PCDH15: variants seen among roughly 807,000 people sequenced by gnomAD.
The protein encoded by PCDH15 is protocadherin related 15.
In PCDH15, 129 loss-of-function variants were observed where a neutral mutation model predicts 178.5. That is an observed-to-expected ratio of 0.72 (90% CI 0.63 to 0.84). PCDH15 has a LOEUF of 0.84. PCDH15 is among the 40% of genes least tolerant of loss of function. PCDH15 has a pLI of 0.00. For synonymous variants in PCDH15, 800 were observed against 732.0 expected (o/e 1.09, Z -1.50); for missense variants, 2,230 against 2,099.9 (o/e 1.06, Z -1.21).
chr10:54,837,799 T>A (rs1953343703), intron 3 of PCDH15, among the ~76,000 whole-genome samples: 1 of 152,078 alleles, frequency 6.6e-6, no homozygotes, highest in African/African-American at 2.4e-5. Flanking sequence ...ACTTTGGTGA[T>A]ATACAAAATA....
intron 1 of PCDH15, among the ~76,000 whole-genome samples, chr10:54,775,442 A>G (rs928388084): frequency 1.5e-4 from 23 of 152,228 alleles, no homozygotes; most frequent in Admixed American, 3.9e-4. Flanking sequence ...CAGGGTAATT[A>G]GCATATCCAT....
chr10:54,473,792 T>G (rs1565366192), intron 3 of PCDH15, among the ~76,000 whole-genome samples: 1 of 151,906 alleles, frequency 6.6e-6, no homozygotes. Flanking sequence ...TATAAAAATG[T>G]GCCAATAAAT....
chr10:55,083,594 C>T (rs1466830248), intron 2 of PCDH15, among the ~76,000 whole-genome samples: 1 of 151,598 alleles, frequency 6.6e-6, no homozygotes, highest in African/African-American at 2.4e-5. Context: ...GAATAAGGGG[C>T]ATATAAATTG....
At chr10:54,741,128 A>T (rs1336635099) in intron 1 of PCDH15, among the ~76,000 whole-genome samples, 1 of 151,760 alleles carries the variant, frequency 6.6e-6, no homozygotes, top group Non-Finnish European at 1.5e-5. Flanking sequence ...TATGTACCAC[A>T]TAAATATGTA....
At chr10:54,098,004 G>C (rs2094731070) in intron 15 of PCDH15, among the ~76,000 whole-genome samples, 1 of 152,026 alleles carries the variant, frequency 6.6e-6, no homozygotes, top group Non-Finnish European at 1.5e-5. Flanking sequence ...TCCTATGACT[G>C]GGAGCCTAAC....
chr10:53,961,064 A>G (rs756023059), intron 22 of PCDH15, among the ~76,000 whole-genome samples: 7 of 152,198 alleles, frequency 4.6e-5, no homozygotes, highest in Non-Finnish European at 8.8e-5. Context: ...GAAGAAAAGT[A>G]AAATTTGACA....
At chr10:54,029,808 A>G (rs1242184491) in intron 18 of PCDH15, among the ~76,000 whole-genome samples, 1 of 152,110 alleles carries the variant, frequency 6.6e-6, no homozygotes, top group Non-Finnish European at 1.5e-5. Flanking sequence ...CTGTTACACA[A>G]TTCTTTCCAT....
At chr10:55,123,284 A>T (rs6481140) in intron 2 of PCDH15, among the ~76,000 whole-genome samples, 34,320 of 151,982 alleles carry the variant, frequency 0.23, 4,317 homozygotes, top group African/African-American at 0.33. Flanking sequence ...AATAATTTAC[A>T]TACATTCATT....
chr10:54,807,159 TAGAC>T (rs890775435), intron 3 of PCDH15, among the ~76,000 whole-genome samples: 7 of 152,204 alleles, frequency 4.6e-5, no homozygotes, highest in African/African-American at 1.7e-4. Context: ...CATATTCAGT[TAGAC>T]AGCAAATTAT....
At chr10:55,134,962 G>C (rs181867944) in intron 2 of PCDH15, among the ~76,000 whole-genome samples, 23 of 152,210 alleles carry the variant, frequency 1.5e-4, no homozygotes, top group African/African-American at 4.1e-4. Context: ...TAATAAAAAT[G>C]AGCTTCAACA....
intron 2 of PCDH15, among the ~76,000 whole-genome samples, chr10:55,116,889 C>T (rs967098064): frequency 2.0e-5 from 3 of 152,128 alleles, no homozygotes; most frequent in Non-Finnish European, 4.4e-5. Context: ...GAAAAGAATG[C>T]CCTAATCTCT....
Position 55,571,725 on chromosome 10 carries a change from T to C in PCDH15, c.-156+55900A>G, listed in dbSNP as rs1030956622. Among the ~76,000 whole-genome samples, 4 of 152,110 alleles carry C rather than the reference T, an allele frequency of 2.6e-5. No individual in the cohort carries two copies. In the East Asian group the frequency reaches 7.7e-4, roughly 29 times the overall value. On this transcript the variant is annotated intron_variant, in intron 2 of 5. Transcript: ENST00000613346. ...TATGAGACAACTGCATAATCTGAAA[T>C]ATAAATTTAGGGAGAATGAGCTACA...
chr10:54,421,585 T>C (rs9416331), intron 3 of PCDH15, among the ~76,000 whole-genome samples: 28,867 of 142,042 alleles, frequency 0.2, 3,792 homozygotes, highest in African/African-American at 0.37. Flanking sequence ...ACAAACTACA[T>C]ACCTGCCTAA....
At chr10:55,260,186 T>A (rs1423819917) in intron 1 of PCDH15, among the ~76,000 whole-genome samples, 3 of 152,040 alleles carry the variant, frequency 2.0e-5, no homozygotes, top group Non-Finnish European at 4.4e-5. Flanking sequence ...TTATCCATTA[T>A]ATGTGAAAAG....
intron 2 of PCDH15, among the ~76,000 whole-genome samples, chr10:54,994,930 TATC>T (rs1415258266): frequency 3.9e-5 from 6 of 152,208 alleles, no homozygotes; most frequent in South Asian, 2.1e-4. Context: ...AAAATAGTAA[TATC>T]ATAATTACAT....
chr10:54,000,566 T>C (rs1031598263), intron 20 of PCDH15, among the ~76,000 whole-genome samples: 1 of 151,898 alleles, frequency 6.6e-6, no homozygotes, highest in Non-Finnish European at 1.5e-5. Context: ...AGTTTTTTAA[T>C]AGCAGAATTG....
intron 8 of PCDH15, among the ~76,000 whole-genome samples, chr10:54,262,102 C>T (rs1478445351): frequency 6.6e-6 from 1 of 152,064 alleles, no homozygotes; most frequent in Admixed American, 6.5e-5. Flanking sequence ...GTTTCTACGA[C>T]CCCCATAGAT....
chr10:54,664,291 C>G lies in PCDH15; in HGVS notation c.-28-1G>C. 6.4e-7 allele frequency: 1 copy of G among 1,551,592 alleles called. No individual in the cohort carries two copies. The highest frequency in any genetic ancestry group is 1.4e-5 in the African/African-American group (1 of 73,460). The stretch of plus-strand genomic sequence containing the variant: ...CTGTCAAAGTTCACTCAAAGCTGAT[C>G]TGAAATAAGAAAAGGTAGAAAGAAA... On this transcript the variant is annotated splice_acceptor_variant, in intron 1 of 37. Coordinates refer to ENST00000644397, the MANE Select transcript of PCDH15 (RefSeq NM_001384140.1). LOFTEE classifies it low-confidence loss of function (5UTR_SPLICE).
At chr10:55,493,231 C>T (rs901502740) in intron 2 of PCDH15, among the ~76,000 whole-genome samples, 1 of 151,140 alleles carries the variant, frequency 6.6e-6, no homozygotes, top group East Asian at 2.0e-4. Context: ...CAGACCCACA[C>T]TCAGATACAC....
Sources: gnomAD v4.1 joint callset for allele counts (sites outside exome capture counted in the v4.1 genomes callset) on GRCh38, gnomAD v4.1.1 for gene constraint, MANE v1.5 for transcripts, NCBI Gene and HGNC (gene_info 2026-07-23, HGNC 2026-07-21) for gene names.